CR1: variants seen among roughly 807,000 people sequenced by gnomAD.
CR1 encodes the protein complement receptor type 1.
In CR1, 116 loss-of-function variants were observed where a neutral mutation model predicts 187.3. That is an observed-to-expected ratio of 0.62 (90% confidence interval 0.53 to 0.72). The LOEUF is 0.72. Ranked by LOEUF, CR1 falls within the 30% of genes least tolerant of loss-of-function variation. CR1 has a pLI of 0.00. For missense variants in CR1, 1,731 were observed against 2,110.7 expected, an observed-to-expected ratio of 0.82 and a Z score of 3.52; for synonymous variants, 576 against 747.1, an observed-to-expected ratio of 0.77 and a Z score of 3.73.
At chr1:207,524,142 A>C in intron 5 of CR1, 133 bp downstream of exon 5, 1 of 1,564,942 alleles carries the variant, frequency 6.4e-7, no homozygotes, top group East Asian at 2.3e-5. Flanking sequence ...GGTAGTGAAC[A>C]TGAAATTCAG....
intron 24 of CR1, among the ~76,000 whole-genome samples, chr1:207,567,496 C>A (rs1299588762): frequency 6.7e-6 from 1 of 150,274 alleles, no homozygotes; most frequent in African/African-American, 2.5e-5. Flanking sequence ...AGGATAAGTG[C>A]TCAATTAATA....
Position 207,640,618 on chromosome 1 carries a change from A to G in CR1, c.*1209A>G, listed in dbSNP as rs1662955281. 6.6e-6 allele frequency: 1 copy of G among 152,222 alleles called. No homozygotes were observed. Among genetic ancestry groups the G allele is most frequent in the Non-Finnish European group, 1.5e-5 (1 of 68,038 alleles). The allele number at this position is 152,222 out of a possible 1,614,324, so 9.4% of individuals were successfully genotyped here. On this transcript the variant is annotated 3_prime_UTR_variant, in exon 47 of 47. Coordinates refer to ENST00000367049, the MANE Select transcript of CR1 (RefSeq NM_000651.6). ...CAACTTTTAAAAAATGTATCAAAATAATAAACGTGTTCTGATATTTTTAAA... is the reference window on the plus strand; with the variant it reads ...CAACTTTTAAAAAATGTATCAAAATGATAAACGTGTTCTGATATTTTTAAA...
chr1:207,514,994 TACACAC>T (rs369482432), intron 4 of CR1, among the ~76,000 whole-genome samples: 32 of 119,572 alleles, frequency 2.7e-4, no homozygotes, highest in Middle Eastern at 4.4e-3. Flanking sequence ...TATATATATA[TACACAC>T]ACACACACAC....
chr1:207,587,758 G>A (rs1017855832), intron 34 of CR1, among the ~76,000 whole-genome samples, 193 bp downstream of exon 34: 1 of 152,206 alleles, frequency 6.6e-6, no homozygotes, highest in Non-Finnish European at 1.5e-5. Flanking sequence ...CAAAAACAAC[G>A]TAGGTGGGAT....
chr1:207,622,539 C>T (rs116700529), intron 44 of CR1, among the ~76,000 whole-genome samples: 1 of 152,322 alleles, frequency 6.6e-6, no homozygotes, highest in South Asian at 2.1e-4. Context: ...TTGTCCAAGA[C>T]CACAGAATGG....
At chr1:207,620,711 A>C (rs909310727) in intron 43 of CR1, among the ~76,000 whole-genome samples, 1 of 152,180 alleles carries the variant, frequency 6.6e-6, no homozygotes, top group Non-Finnish European at 1.5e-5. Context: ...AAATATGCTA[A>C]TATGACTCGC....
In CR1 at chr1:207,580,243, G is replaced by A. The variant is rs1391120629; in HGVS notation, c.4940G>A (p.Cys1647Tyr). The A allele has an allele frequency of 3.7e-6, 6 of 1,613,472 alleles. No individual in the cohort carries two copies. The highest frequency in any genetic ancestry group is 2.7e-5 in the African/African-American group (2 of 74,894). ...TCTGGAACTGTCCTTTCCACAGTGT[G>A]TCAGCCGCCTCCAGAAATCCTGCAT... ...EPELPSCSRV[C>Y]QPPPEILHGE... The change falls in exon 30 of 47, where the codon TGT becomes TAT. Residue 1647 changes from cysteine (C) to tyrosine (Y), a missense_variant. Cys to Tyr is a radical substitution (Grantham distance 194, BLOSUM62 -2). Around this residue, in one of 5 missense-constraint regions of CR1, gnomAD observed 1,312 missense variants for 1,379.6 expected, o/e 0.95. Coordinates refer to ENST00000367049, the MANE Select transcript of CR1 (RefSeq NM_000651.6).
At position 207,640,715 on chromosome 1, in the gene CR1, A is replaced by C. The variant is rs1662959002; in HGVS notation, c.*1306A>C. The C allele has an allele frequency of 6.6e-6, 1 of 152,248 alleles. No homozygotes were observed. Among genetic ancestry groups the C allele is most frequent in the South Asian group, 2.1e-4 (1 of 4,830 alleles). The allele number at this position is 152,248 out of a possible 1,614,324, so 9.4% of individuals were successfully genotyped here. ...AAAATGTGTTATGATATTATGGGCC[A>C]TGCTAATGACCTCTAGAAAACATCA... On this transcript the variant is annotated 3_prime_UTR_variant, in exon 47 of 47. Transcript: ENST00000367049.
chr1:207,605,839 A>G (rs1661733935), intron 35 of CR1: 1 of 152,168 alleles, frequency 6.6e-6, no homozygotes, highest in Admixed American at 6.5e-5. Flanking sequence ...GGCTAGCAAT[A>G]AGTAAAATTC....
intron 46 of CR1, 141 bp downstream of exon 46, chr1:207,630,762 T>C (rs954734523): frequency 2.8e-5 from 11 of 386,988 alleles, no homozygotes; most frequent in Admixed American, 9.4e-5. Flanking sequence ...TGGAAACTTC[T>C]TTTTTTTTTA....
Position 207,639,630 on chromosome 1 carries a change from C to T in CR1, c.*221C>T, listed in dbSNP as rs542784887. The T allele has an allele frequency of 2.5e-5, 13 of 512,982 alleles. No homozygotes were observed. The highest frequency in any genetic ancestry group is 3.8e-5 in the African/African-American group (2 of 52,592). 31.8% of individuals were successfully genotyped at this position (512,982 alleles called of 1,614,324 possible). ...GAAACCCCCACCCTTCTGCCTCGTG[C>T]TAAACGCACACAGTATCTAGTCAGG... On this transcript the variant is annotated 3_prime_UTR_variant, in exon 47 of 47. Transcript: ENST00000367049.
rs1365356268 is a variant in CR1 at position 207,639,560 on chromosome 1, C to T, written c.*151C>T. ...TGTGCACTTGAAGATGCTGCCCCTT[C>T]CCTGGTACCTAGCAAAGCTCCTGCC... On this transcript the variant is annotated 3_prime_UTR_variant, in exon 47 of 47. Coordinates refer to ENST00000367049, the MANE Select transcript of CR1 (RefSeq NM_000651.6). 1 of 688,940 alleles carries T rather than the reference C, an allele frequency of 1.5e-6. No individual in the cohort carries two copies. Among genetic ancestry groups the T allele is most frequent in the Non-Finnish European group, 2.5e-6 (1 of 407,676 alleles). 42.7% of individuals were successfully genotyped at this position (688,940 alleles called of 1,614,324 possible).
intron 32 of CR1, among the ~76,000 whole-genome samples, chr1:207,583,764 A>G (rs867175240): frequency 6.6e-6 from 1 of 152,210 alleles, no homozygotes; most frequent in Non-Finnish European, 1.5e-5. Context: ...ACTTCCCTGG[A>G]ATAGTTAAGA....
At chr1:207,596,699 G>A (rs953031542) in intron 35 of CR1, among the ~76,000 whole-genome samples, 13 of 150,278 alleles carry the variant, frequency 8.7e-5, no homozygotes, top group African/African-American at 3.2e-4. Context: ...AAAAGTTTAA[G>A]AACTAGGGCT....
chr1:207,518,844 A>T (rs975383114), intron 4 of CR1, among the ~76,000 whole-genome samples: 7 of 152,198 alleles, frequency 4.6e-5, no homozygotes. Flanking sequence ...AGACTCTCCA[A>T]ACTGGGTCAT....
chr1:207,602,311 G>A (rs1472949956), intron 35 of CR1, among the ~76,000 whole-genome samples: 2 of 151,946 alleles, frequency 1.3e-5, no homozygotes, highest in Non-Finnish European at 2.9e-5. Context: ...ATTAAAGTTT[G>A]CCAAAGATTA....
At position 207,519,820 on chromosome 1, in the gene CR1, C is replaced by CT. The variant is rs35587077; in HGVS notation, c.488-3791_488-3790insT. 7.8e-3 allele frequency among the ~76,000 whole-genome samples: 1,187 copies of CT among 152,092 alleles called. 16 individuals carry two copies. The highest frequency in any genetic ancestry group is 0.027 in the African/African-American group (1,115 of 41,490). Reference sequence around the variant, plus strand: ...AACAGAAGTGAGGTACAGAAACAGCCGATTGGTTATAGCTCAGCGTTTGCC... The same window carrying CT: ...AACAGAAGTGAGGTACAGAAACAGCCTGATTGGTTATAGCTCAGCGTTTGCC... On this transcript the variant is annotated intron_variant, in intron 4 of 46. Coordinates refer to ENST00000367049, the MANE Select transcript of CR1 (RefSeq NM_000651.6).
At chr1:207,519,046 A>G (rs1333653226) in intron 4 of CR1, among the ~76,000 whole-genome samples, 1 of 152,222 alleles carries the variant, frequency 6.6e-6, no homozygotes, top group Non-Finnish European at 1.5e-5. Flanking sequence ...TGCTGAATTG[A>G]CTATTTTATC....
chr1:207,591,823 G>A (rs896626950), intron 35 of CR1, among the ~76,000 whole-genome samples: 5 of 152,122 alleles, frequency 3.3e-5, no homozygotes, highest in Non-Finnish European at 7.3e-5. Context: ...ACACCTCTAC[G>A]CAAATAAACT....
Sources: allele counts gnomAD v4.1 joint callset (sites outside exome capture counted in the v4.1 genomes callset), GRCh38; gene constraint gnomAD v4.1.1; regional missense constraint gnomAD v4.1.1; transcripts MANE v1.5; gene names NCBI Gene and HGNC (gene_info 2026-07-23, HGNC 2026-07-21).